CCSER1: variants seen among roughly 807,000 people sequenced by gnomAD.
The protein encoded by CCSER1 is coiled-coil serine rich protein 1.
CCSER1 carries 41 observed loss-of-function variants against 82.0 expected under a neutral mutation model. The ratio of observed to expected loss-of-function variants is 0.50; its 90% CI spans 0.39 to 0.65. The LOEUF (loss-of-function observed/expected upper bound fraction) is 0.65, where lower values mean the gene tolerates loss of function less well. Ranked by LOEUF, CCSER1 falls within the 30% of genes least tolerant of loss-of-function variation. The pLI is 0.00. For synonymous variants in CCSER1, 414 were observed against 383.9 expected, an observed-to-expected ratio of 1.08 and a Z score of -0.92; for missense variants, 1,119 against 1,064.2, an observed-to-expected ratio of 1.05 and a Z score of -0.72.
intron 1 of CCSER1, among the ~76,000 whole-genome samples, chr4:90,233,286 T>G (rs1268041640): frequency 1.3e-5 from 2 of 152,068 alleles, no homozygotes. Context: ...TGGAATACTA[T>G]GCAGCCATAA....
intron 4 of CCSER1, among the ~76,000 whole-genome samples, chr4:90,462,255 T>C (rs1763029188): frequency 6.6e-6 from 1 of 151,210 alleles, no homozygotes; most frequent in East Asian, 1.9e-4. Flanking sequence ...CTTTTGTGTA[T>C]TTGTTTTTGT....
chr4:91,450,839 A>G (rs1180789718), intron 10 of CCSER1, among the ~76,000 whole-genome samples: 1 of 152,016 alleles, frequency 6.6e-6, no homozygotes, highest in Non-Finnish European at 1.5e-5. Context: ...TGGGTGACAC[A>G]ATTATCAGAG....
chr4:90,406,024 T>C (rs986724409), intron 4 of CCSER1, among the ~76,000 whole-genome samples: 1 of 152,070 alleles, frequency 6.6e-6, no homozygotes, highest in Non-Finnish European at 1.5e-5. Flanking sequence ...ATATTAACAT[T>C]GAATGTAAAT....
intron 8 of CCSER1, among the ~76,000 whole-genome samples, chr4:90,893,551 G>T (rs1388672971): frequency 3.9e-5 from 6 of 152,070 alleles, no homozygotes; most frequent in African/African-American, 1.4e-4. Context: ...TCCTTCCGAT[G>T]CTGTCTCTGG....
rs112557675 is a variant in CCSER1, at chr4:90,650,026, C to T, written c.1932+21794C>T. Among the ~76,000 whole-genome samples the T allele has an allele frequency of 5.7e-3, 867 of 152,080 alleles. 5 individuals carry two copies. Among genetic ancestry groups the T allele is most frequent in the Non-Finnish European group, 9.6e-3 (653 of 67,974 alleles). ...GGTCAGGAGTTTAAGACCAGCTTGGCCAACATAGTGAAACCCCGTGTCTAC... is the reference window on the plus strand; with the variant it reads ...GGTCAGGAGTTTAAGACCAGCTTGGTCAACATAGTGAAACCCCGTGTCTAC... On this transcript the variant is annotated intron_variant, in intron 6 of 10. Transcript: ENST00000509176.
chr4:91,303,551 T>C (rs75041643), intron 10 of CCSER1, among the ~76,000 whole-genome samples: 8,528 of 152,000 alleles, frequency 0.056, 320 homozygotes, highest in Non-Finnish European at 0.082. Flanking sequence ...TTTGGGAGGC[T>C]GAAGTGGGAG....
chr4:90,624,852 A>G (rs1722985331), intron 5 of CCSER1, among the ~76,000 whole-genome samples: 1 of 152,194 alleles, frequency 6.6e-6, no homozygotes, highest in African/African-American at 2.4e-5. Flanking sequence ...AAATATTACT[A>G]ACAATTTCAC....
intron 1 of CCSER1, among the ~76,000 whole-genome samples, chr4:90,157,688 C>A (rs910550195): frequency 3.3e-5 from 5 of 151,724 alleles, no homozygotes; most frequent in African/African-American, 1.2e-4. Context: ...CTTCTGCATT[C>A]TTCACGTAGT....
At chr4:91,150,008 C>A (rs577012955) in intron 10 of CCSER1, among the ~76,000 whole-genome samples, 1 of 152,180 alleles carries the variant, frequency 6.6e-6, no homozygotes, top group South Asian at 2.1e-4. Flanking sequence ...TTTTCCAATT[C>A]TGTGGAGAAA....
intron 8 of CCSER1, among the ~76,000 whole-genome samples, chr4:90,859,647 CAT>C (rs1561261484): frequency 6.6e-6 from 1 of 151,736 alleles, no homozygotes; most frequent in Non-Finnish European, 1.5e-5. Flanking sequence ...GTTCTCAGAT[CAT>C]TGTTTTTCTT....
intron 5 of CCSER1, among the ~76,000 whole-genome samples, chr4:90,470,103 A>G (rs375142760): frequency 6.6e-6 from 1 of 152,142 alleles, no homozygotes; most frequent in East Asian, 1.9e-4. Flanking sequence ...TAAATTCTCA[A>G]GTTGTTCCAT....
chr4:90,584,034 A>G (rs149060783), intron 5 of CCSER1, among the ~76,000 whole-genome samples: 126 of 152,260 alleles, frequency 8.3e-4, no homozygotes, highest in Middle Eastern at 3.4e-3. Context: ...GGTATGCAGA[A>G]CTCTAAGCTG....
chr4:90,277,842 TTAAAG>T (rs1367314305), intron 1 of CCSER1, among the ~76,000 whole-genome samples: 3 of 152,078 alleles, frequency 2.0e-5, no homozygotes, highest in Admixed American at 6.6e-5. Flanking sequence ...TGAGGCCTAA[TTAAAG>T]TAAAGAGCTT....
intron 10 of CCSER1, among the ~76,000 whole-genome samples, chr4:91,394,333 A>G (rs1165970461): frequency 6.6e-6 from 1 of 152,142 alleles, no homozygotes; most frequent in Non-Finnish European, 1.5e-5. Flanking sequence ...TAATATCTCA[A>G]TATCATCATT....
chr4:90,399,045 A>G (rs1262497674), intron 3 of CCSER1, among the ~76,000 whole-genome samples: 1 of 152,088 alleles, frequency 6.6e-6, no homozygotes, highest in African/African-American at 2.4e-5. Flanking sequence ...GCATGCCACC[A>G]TTTAGTATTT....
At chr4:90,780,695 C>A (rs1753647673) in intron 7 of CCSER1, 1 of 1,323,800 alleles carries the variant, frequency 7.6e-7, no homozygotes, top group East Asian at 2.9e-5. Context: ...GTAAGCAAGA[C>A]AAACGGTCAG....
At chr4:90,326,742 G>GT (rs1264581668) in intron 3 of CCSER1, among the ~76,000 whole-genome samples, 1 of 152,204 alleles carries the variant, frequency 6.6e-6, no homozygotes, top group Non-Finnish European at 1.5e-5. Flanking sequence ...GATAGGTGCA[G>GT]TAGGGGGTGG....
chr4:91,107,380 G>T (rs1487953369), intron 10 of CCSER1, among the ~76,000 whole-genome samples: 1 of 152,108 alleles, frequency 6.6e-6, no homozygotes, highest in Non-Finnish European at 1.5e-5. Context: ...TCAGCCTCCT[G>T]AGTATCTGGG....
intron 10 of CCSER1, among the ~76,000 whole-genome samples, chr4:91,576,768 A>G (rs1394227536): frequency 1.3e-5 from 2 of 151,892 alleles, no homozygotes; most frequent in Non-Finnish European, 2.9e-5. Flanking sequence ...ATCGGGGTGA[A>G]ATTTTTCACT....
Sources: gnomAD v4.1 joint callset for allele counts (sites outside exome capture counted in the v4.1 genomes callset) on GRCh38, gnomAD v4.1.1 for gene constraint, MANE v1.5 for transcripts, NCBI Gene and HGNC (gene_info 2026-07-23, HGNC 2026-07-21) for gene names.